Variants in IGSF11 observed in about 807,000 individuals in gnomAD.
IGSF11 encodes immunoglobulin superfamily member 11, also known as CXADR like 1.
IGSF11 carries 22 observed loss-of-function variants against 41.0 expected under a neutral mutation model. That is an observed-to-expected ratio of 0.54 (90% confidence interval 0.38 to 0.77). IGSF11 has a LOEUF of 0.77. IGSF11 is among the 30% of genes least tolerant of loss of function. The probability of loss-of-function intolerance (pLI) is 0.00; values close to 1 mark genes in which losing one functional copy is unlikely to be tolerated. For synonymous variants in IGSF11, 219 were observed against 201.3 expected, an observed-to-expected ratio of 1.09 and a Z score of -0.74; for missense variants, 444 against 530.8, an observed-to-expected ratio of 0.84 and a Z score of 1.61.
chr3:118,969,383 G>A (rs1267290256), intron 1 of IGSF11, among the ~76,000 whole-genome samples: 3 of 152,130 alleles, frequency 2.0e-5, no homozygotes, highest in Non-Finnish European at 4.4e-5. Context: ...GCAGTTAGGC[G>A]GGAAGCTGAG....
At chr3:119,134,162 G>A (rs1576837820) in intron 1 of IGSF11, among the ~76,000 whole-genome samples, 1 of 150,274 alleles carries the variant, frequency 6.7e-6, no homozygotes, top group Non-Finnish European at 1.5e-5. Context: ...CACAAGACAA[G>A]GATGCCCTCT....
At chr3:119,071,908 T>A (rs1336303413) in intron 1 of IGSF11, among the ~76,000 whole-genome samples, 1 of 152,234 alleles carries the variant, frequency 6.6e-6, no homozygotes. Flanking sequence ...TTGTGCTGAA[T>A]CTCTAGGTTA....
At chr3:119,133,920 T>G (rs892108401) in intron 1 of IGSF11, among the ~76,000 whole-genome samples, 15 of 152,168 alleles carry the variant, frequency 9.9e-5, no homozygotes, top group Non-Finnish European at 1.8e-4. Context: ...ATTCAACATA[T>G]GCCAATCAAT....
At chr3:119,003,745 C>G (rs912533410) in intron 1 of IGSF11, among the ~76,000 whole-genome samples, 8 of 151,438 alleles carry the variant, frequency 5.3e-5, no homozygotes, top group Non-Finnish European at 7.4e-5. Flanking sequence ...CTTTGGCTCT[C>G]TTTATATGCT....
chr3:119,032,982 G>A (rs1278154475), intron 1 of IGSF11, among the ~76,000 whole-genome samples: 1 of 152,176 alleles, frequency 6.6e-6, no homozygotes, highest in Non-Finnish European at 1.5e-5. Context: ...ACAGGTTATT[G>A]CCAAAACTGA....
intron 1 of IGSF11, among the ~76,000 whole-genome samples, chr3:118,997,777 A>C (rs780479701): frequency 5.3e-5 from 8 of 152,188 alleles, no homozygotes. Flanking sequence ...TAGCTGTCTT[A>C]GGACGTTACT....
At chr3:119,035,248 T>C (rs1940837764), upstream of IGSF11, among the ~76,000 whole-genome samples, 1 of 152,218 alleles carries the variant, frequency 6.6e-6, no homozygotes, top group Non-Finnish European at 1.5e-5. Flanking sequence ...TGTTGCAGTT[T>C]TCGGATAATT....
At chr3:119,111,285 C>T (rs1346470007) in intron 1 of IGSF11, among the ~76,000 whole-genome samples, 20 of 152,228 alleles carry the variant, frequency 1.3e-4, no homozygotes, top group Admixed American at 3.9e-4. Context: ...AGGCTTTGTT[C>T]GTTTCTTTTT....
rs755591784 is a variant in IGSF11 at position 118,930,138 on chromosome 3, G to C, written c.190C>G (p.Leu64Val). ...NLNVIWMVTP[L>V]SNANQPEQVI... Reference sequence around the variant, plus strand: ...TGTTCAGGTTGGTTGGCATTGGAGAGAGGAGTGACCATCCAAATGACATTG... The same window carrying C: ...TGTTCAGGTTGGTTGGCATTGGAGACAGGAGTGACCATCCAAATGACATTG... The change falls in exon 2 of 7, where the codon CTC (leucine) becomes GTC (valine). Residue 64 changes from leucine (L) to valine (V), a missense_variant. Coordinates refer to ENST00000393775, the MANE Select transcript of IGSF11 (RefSeq NM_001015887.3). 5 of 1,613,800 alleles carry C rather than the reference G, an allele frequency of 3.1e-6. No homozygotes were observed. The highest frequency in any genetic ancestry group is 4.2e-6 in the Non-Finnish European group (5 of 1,179,828).
In IGSF11 at chr3:118,994,613, G is replaced by A. The variant is rs1021036913; in HGVS notation, c.52+39918C>T. ...GTTGAGCCTGCAGTGATTCAAGATC[G>A]CACCACTGCACTCCAGCCTAGACCT... On this transcript the variant is annotated intron_variant, in intron 1 of 6. Coordinates refer to ENST00000393775, the MANE Select transcript of IGSF11 (RefSeq NM_001015887.3). Among the ~76,000 whole-genome samples, 17 of 152,278 alleles carry A rather than the reference G, an allele frequency of 1.1e-4. 1 individual carries two copies. The highest frequency in any genetic ancestry group is 5.8e-4 in the East Asian group (3 of 5,182).
chr3:119,140,623 A>AAAT (rs79831130), intron 1 of IGSF11, among the ~76,000 whole-genome samples: 30,287 of 152,118 alleles, frequency 0.2, 3,283 homozygotes, highest in South Asian at 0.29. Context: ...ACTAGACCTA[A>AAAT]CAGACTTCTA....
In IGSF11 at chr3:118,973,756, C is replaced by T. The variant is rs537993716; in HGVS notation, c.53-43481G>A. On this transcript the variant is annotated intron_variant, in intron 1 of 6. Transcript: ENST00000393775. The stretch of plus-strand genomic sequence containing the variant: ...TTAGAGAACCAAGGAGGTTTCCAAA[C>T]AAGAGCAATCATATGTGCAAAGAAG... 1.3e-4 allele frequency among the ~76,000 whole-genome samples: 20 copies of T among 152,270 alleles called. No individual in the cohort carries two copies. In the East Asian group the frequency reaches 2.1e-3, roughly 16 times the overall value.
intron 1 of IGSF11, among the ~76,000 whole-genome samples, chr3:118,938,722 G>T (rs2107552058): frequency 6.6e-6 from 1 of 152,326 alleles, no homozygotes; most frequent in African/African-American, 2.4e-5. Flanking sequence ...TCACCAAGGA[G>T]AGGCTGGACA....
At chr3:118,990,084 A>G (rs1347852887) in intron 1 of IGSF11, among the ~76,000 whole-genome samples, 3 of 152,232 alleles carry the variant, frequency 2.0e-5, no homozygotes, top group African/African-American at 7.2e-5. Context: ...TTAGGTTACA[A>G]AGAGATTCAC....
chr3:119,109,692 T>C (rs1199265387), upstream of IGSF11, among the ~76,000 whole-genome samples: 1 of 152,208 alleles, frequency 6.6e-6, no homozygotes, highest in Non-Finnish European at 1.5e-5. Flanking sequence ...AGGGTGTCAA[T>C]TTTGGATCTT....
Position 118,904,032 on chromosome 3 carries a change from G to T in IGSF11, c.854+616C>A, listed in dbSNP as rs577536520. ...AGAGAAGATACGCAGGCAAGAATCAGATCCTGTAAGGCTGTGGTATGTCTC... is the reference window on the plus strand; with the variant it reads ...AGAGAAGATACGCAGGCAAGAATCATATCCTGTAAGGCTGTGGTATGTCTC... On this transcript the variant is annotated intron_variant, in intron 6 of 6. Transcript: ENST00000393775. 3.3e-5 allele frequency among the ~76,000 whole-genome samples: 5 copies of T among 152,312 alleles called. No homozygotes were observed. The East Asian group carries it at 9.7e-4, about 29-fold the overall frequency.
intron 1 of IGSF11, among the ~76,000 whole-genome samples, chr3:119,134,683 G>T (rs2077534044): frequency 6.6e-6 from 1 of 152,102 alleles, no homozygotes; most frequent in African/African-American, 2.4e-5. Flanking sequence ...CAAGCAAAAT[G>T]ACTTTCTTCA....
intron 1 of IGSF11, among the ~76,000 whole-genome samples, chr3:119,134,319 T>A (rs1210576358): frequency 6.6e-6 from 1 of 152,154 alleles, no homozygotes; most frequent in Admixed American, 6.6e-5. Flanking sequence ...GAAAACCCCA[T>A]CGTCTCAGCC....
chr3:118,984,542 AAAG>A (rs1356968827), intron 1 of IGSF11, among the ~76,000 whole-genome samples: 1 of 152,142 alleles, frequency 6.6e-6, no homozygotes, highest in Non-Finnish European at 1.5e-5. Flanking sequence ...AAAAAAATAG[AAAG>A]AAGGGAAGGA....
Sources: allele counts gnomAD v4.1 joint callset (sites outside exome capture counted in the v4.1 genomes callset), GRCh38; gene constraint gnomAD v4.1.1; transcripts MANE v1.5; gene names NCBI Gene and HGNC (gene_info 2026-07-23, HGNC 2026-07-21).